The following CNTNAP5 variants were observed in gnomAD, a reference collection of about 807,000 sequenced individuals.
The protein encoded by CNTNAP5 is contactin-associated protein-like 5.
Under a neutral mutation model 150.2 loss-of-function variants are expected in CNTNAP5, and 72 were observed. That is an observed-to-expected ratio of 0.48 (90% confidence interval 0.40 to 0.58). The LOEUF is 0.58. Ranked by LOEUF, CNTNAP5 falls within the 20% of genes least tolerant of loss-of-function variation. CNTNAP5 has a pLI of 0.00. For missense variants in CNTNAP5, 1,636 were observed against 1,626.2 expected, an observed-to-expected ratio of 1.01 and a Z score of -0.10; for synonymous variants, 672 against 619.8, an observed-to-expected ratio of 1.08 and a Z score of -1.25.
chr2:124,378,314 G>A (rs952025256), intron 3 of CNTNAP5, among the ~76,000 whole-genome samples: 11 of 151,728 alleles, frequency 7.2e-5, no homozygotes, highest in African/African-American at 2.7e-4. Flanking sequence ...AGAGAAAAAT[G>A]TAAGGATAAA....
rs79395185 is a variant in CNTNAP5 at position 124,536,001 on chromosome 2, C to T, written c.1649+8545C>T. On this transcript the variant is annotated intron_variant, in intron 10 of 23. Transcript: ENST00000682447. ...TGGGTAATATAAAAAGATTACATTGCGCGGTAATACATATGTTTTAGTTCT... is the reference window on the plus strand; with the variant it reads ...TGGGTAATATAAAAAGATTACATTGTGCGGTAATACATATGTTTTAGTTCT... 7.0e-3 allele frequency among the ~76,000 whole-genome samples: 1,060 copies of T among 152,114 alleles called. 19 individuals are homozygous for T. The highest frequency in any genetic ancestry group is 0.024 in the African/African-American group (976 of 41,494).
At chr2:124,519,678 T>C (rs912924708) in intron 8 of CNTNAP5, among the ~76,000 whole-genome samples, 4 of 152,254 alleles carry the variant, frequency 2.6e-5, no homozygotes, top group Non-Finnish European at 5.9e-5. Flanking sequence ...GCCTGGCACA[T>C]TATAGGCATT....
chr2:124,240,382 G>C (rs900764050), intron 2 of CNTNAP5, among the ~76,000 whole-genome samples: 3 of 152,146 alleles, frequency 2.0e-5, no homozygotes, highest in Non-Finnish European at 4.4e-5. Flanking sequence ...ACGCTAGCCT[G>C]GAAGTGGCAC....
intron 13 of CNTNAP5, among the ~76,000 whole-genome samples, chr2:124,742,141 G>C (rs1573586513): frequency 3.3e-5 from 5 of 152,128 alleles, no homozygotes; most frequent in Admixed American, 3.3e-4. Context: ...AAATGACTGG[G>C]GGAAGTTCAC....
At chr2:124,603,041 A>ACCTT (rs1354053252) in intron 11 of CNTNAP5, among the ~76,000 whole-genome samples, 1 of 101,642 alleles carries the variant, frequency 9.8e-6, no homozygotes, top group Admixed American at 1.5e-4. Flanking sequence ...TTTCCTTCCT[A>ACCTT]CCTTCCTTCC....
At chr2:124,839,320 G>A (rs1176009602) in intron 19 of CNTNAP5, among the ~76,000 whole-genome samples, 2 of 152,010 alleles carry the variant, frequency 1.3e-5, no homozygotes, top group Non-Finnish European at 2.9e-5. Context: ...AGCAGACTGG[G>A]TCCAGATCAC....
At chr2:124,670,133 T>TTTCCTTCCTTCC (rs796656346) in intron 13 of CNTNAP5, among the ~76,000 whole-genome samples, 15,954 of 112,370 alleles carry the variant, frequency 0.14, 1,781 homozygotes, top group East Asian at 0.18. Context: ...TCCTTCCTTC[T>TTTCCTTCCTTCC]TTCCTTCCTT....
chr2:124,335,240 A>AAT (rs915525790), intron 3 of CNTNAP5, among the ~76,000 whole-genome samples: 59 of 152,216 alleles, frequency 3.9e-4, no homozygotes, highest in African/African-American at 1.2e-3. Context: ...CCGAAGTTGA[A>AAT]ATAACAAAAG....
In CNTNAP5 at chr2:124,911,410, G is replaced by A. The variant is rs369205910; in HGVS notation, c.3656-57G>A. Reference sequence around the variant, plus strand: ...TCATTCCAGGTGGGCCACACTGTAGGCTTCTTGCCAGTGCTTTGAGTGAGA... The same window carrying A: ...TCATTCCAGGTGGGCCACACTGTAGACTTCTTGCCAGTGCTTTGAGTGAGA... On this transcript the variant is annotated intron_variant, in intron 22 of 23. Coordinates refer to ENST00000682447, the MANE Select transcript of CNTNAP5 (RefSeq NM_001367498.1). 3.0e-3 allele frequency: 3,933 copies of A among 1,332,122 alleles called. 45 individuals are homozygous for A. The highest frequency in any genetic ancestry group is 3.3e-3 in the Non-Finnish European group (3,158 of 945,458). 82.5% of individuals were successfully genotyped at this position (1,332,122 alleles called of 1,614,324 possible).
intron 3 of CNTNAP5, among the ~76,000 whole-genome samples, chr2:124,287,025 A>G (rs1688171377): frequency 6.6e-6 from 1 of 152,140 alleles, no homozygotes; most frequent in Non-Finnish European, 1.5e-5. Context: ...TCCCTGAGAG[A>G]TGAATGCTTC....
At chr2:124,680,445 A>G (rs1679040525) in intron 13 of CNTNAP5, among the ~76,000 whole-genome samples, 1 of 151,878 alleles carries the variant, frequency 6.6e-6, no homozygotes, top group South Asian at 2.1e-4. Context: ...TCTGACACAC[A>G]GTGGGCTCCC....
At chr2:124,663,622 A>G (rs1356356743) in intron 13 of CNTNAP5, among the ~76,000 whole-genome samples, 1 of 152,148 alleles carries the variant, frequency 6.6e-6, no homozygotes, top group Non-Finnish European at 1.5e-5. Flanking sequence ...AGAGGAAAGG[A>G]GGGAAAATCC....
chr2:124,594,651 T>C (rs1431405837), intron 11 of CNTNAP5, among the ~76,000 whole-genome samples: 3 of 140,822 alleles, frequency 2.1e-5, no homozygotes, highest in Non-Finnish European at 4.6e-5. Context: ...AACTTTAAAG[T>C]AGTTTTTTCC....
At chr2:124,126,898 T>C (rs2104594403) in intron 1 of CNTNAP5, among the ~76,000 whole-genome samples, 1 of 152,278 alleles carries the variant, frequency 6.6e-6, no homozygotes, top group Admixed American at 6.5e-5. Context: ...TAGGTATTGA[T>C]GGGACGTATC....
chr2:124,899,391 C>A (rs1265268431), intron 21 of CNTNAP5, among the ~76,000 whole-genome samples: 2 of 151,404 alleles, frequency 1.3e-5, no homozygotes, highest in East Asian at 3.9e-4. Context: ...GCAGCTCGTG[C>A]TGTTTTTACA....
intron 1 of CNTNAP5, among the ~76,000 whole-genome samples, chr2:124,060,693 A>T (rs977388039): frequency 7.9e-5 from 12 of 152,198 alleles, no homozygotes; most frequent in Admixed American, 2.0e-4. Flanking sequence ...CAGAACAAGC[A>T]TTTCTTACAG....
At chr2:124,824,009 C>T (rs1682542509) in intron 19 of CNTNAP5, among the ~76,000 whole-genome samples, 1 of 151,486 alleles carries the variant, frequency 6.6e-6, no homozygotes, top group Admixed American at 6.6e-5. Context: ...GCCTCTGCCT[C>T]CTGGTTCAAG....
In CNTNAP5 at chr2:124,774,763, G is replaced by A. The variant is rs967456778; in HGVS notation, c.2752+1746G>A. Reference sequence around the variant, plus strand: ...TATTTATGAATCTTTCTGGCTGAAAGGTATATATAAAGACGGAATAATTTT... The same window carrying A: ...TATTTATGAATCTTTCTGGCTGAAAAGTATATATAAAGACGGAATAATTTT... On this transcript the variant is annotated intron_variant, in intron 17 of 23. Coordinates refer to ENST00000682447, the MANE Select transcript of CNTNAP5 (RefSeq NM_001367498.1). 2.0e-5 allele frequency among the ~76,000 whole-genome samples: 3 copies of A among 152,032 alleles called. No individual in the cohort carries two copies. In the East Asian group the frequency reaches 5.8e-4, roughly 29 times the overall value.
At chr2:124,437,897 A>G (rs368754795) in intron 5 of CNTNAP5, among the ~76,000 whole-genome samples, 41 of 152,316 alleles carry the variant, frequency 2.7e-4, no homozygotes, top group African/African-American at 8.9e-4. Flanking sequence ...TGGACATTTC[A>G]GCAGTGTCTC....
Sources: gnomAD v4.1 joint callset for allele counts (sites outside exome capture counted in the v4.1 genomes callset) on GRCh38, gnomAD v4.1.1 for gene constraint, MANE v1.5 for transcripts, NCBI Gene and HGNC (gene_info 2026-07-23, HGNC 2026-07-21) for gene names.